Variants in PDE3A observed in about 807,000 individuals in gnomAD.
The protein encoded by PDE3A is phosphodiesterase 3A.
PDE3A carries 43 observed loss-of-function variants against 98.3 expected under a neutral mutation model. The observed-to-expected ratio is 0.44, with a 90% CI of 0.34 to 0.56. PDE3A has a LOEUF of 0.56. Ranked by LOEUF, PDE3A falls within the 20% of genes least tolerant of loss-of-function variation. PDE3A has a pLI of 0.01. For missense variants in PDE3A, 1,427 were observed against 1,440.7 expected, an observed-to-expected ratio of 0.99 and a Z score of 0.15; for synonymous variants, 663 against 567.9, an observed-to-expected ratio of 1.17 and a Z score of -2.38.
intron 1 of PDE3A, among the ~76,000 whole-genome samples, chr12:20,453,172 G>GA (rs1565554312): frequency 2.5e-5 from 3 of 117,764 alleles, no homozygotes; most frequent in Non-Finnish European, 5.3e-5. Context: ...ACTTGATAAT[G>GA]CTTTTTTTTT....
chr12:20,551,565 C>T (rs547884416), intron 1 of PDE3A: 4 of 1,506,100 alleles, frequency 2.7e-6, no homozygotes, highest in South Asian at 1.2e-5. Flanking sequence ...ACGCGACCCC[C>T]GAGCGGGTCT....
At chr12:20,593,435 T>C (rs967484573) in intron 2 of PDE3A, among the ~76,000 whole-genome samples, 1 of 152,046 alleles carries the variant, frequency 6.6e-6, no homozygotes, top group Admixed American at 6.6e-5. Flanking sequence ...TATCTCTGCA[T>C]TGGGAAAAGC....
intron 1 of PDE3A, among the ~76,000 whole-genome samples, chr12:20,549,524 T>C (rs1421675165): frequency 1.3e-5 from 2 of 152,072 alleles, no homozygotes; most frequent in African/African-American, 4.8e-5. Context: ...AGGAGAAATA[T>C]CCTGTTTACT....
At chr12:20,556,601 A>C (rs927851483) in intron 1 of PDE3A, 59 bp from the exon 2 acceptor site, 5 of 1,066,992 alleles carry the variant, frequency 4.7e-6, no homozygotes. Context: ...AAAATAAAGA[A>C]GAAAAATGTT....
chr12:20,387,527 G>A (rs1392899520), intron 1 of PDE3A, among the ~76,000 whole-genome samples: 2 of 151,938 alleles, frequency 1.3e-5, no homozygotes, highest in Non-Finnish European at 2.9e-5. Context: ...TTCTCTATTA[G>A]TCTTTGAATA....
Position 20,516,709 on chromosome 12 carries a change from G to A in PDE3A, c.961-39951G>A, listed in dbSNP as rs111234039. Among the ~76,000 whole-genome samples the A allele has an allele frequency of 2.7e-3, 415 of 152,174 alleles. 6 individuals carry two copies. The highest frequency in any genetic ancestry group is 0.01 in the Middle Eastern group (3 of 294). The stretch of plus-strand genomic sequence containing the variant: ...ACAGGCTCTGAACCATTATGCTATG[G>A]CCTCTTTGACTACAAAAATCAAACG... On this transcript the variant is annotated intron_variant, in intron 1 of 15. Transcript: ENST00000359062.
chr12:20,582,319 T>C (rs899405000), intron 2 of PDE3A, among the ~76,000 whole-genome samples: 2 of 152,104 alleles, frequency 1.3e-5, no homozygotes, highest in Non-Finnish European at 2.9e-5. Context: ...CAGACCCAAG[T>C]AGCTGGGAAT....
chr12:20,574,492 A>G (rs1942879666), intron 2 of PDE3A, among the ~76,000 whole-genome samples: 1 of 152,088 alleles, frequency 6.6e-6, no homozygotes. Context: ...ATCTACTTTG[A>G]AAGTTTGTTC....
At chr12:20,445,268 T>C (rs1232208926) in intron 1 of PDE3A, among the ~76,000 whole-genome samples, 2 of 152,164 alleles carry the variant, frequency 1.3e-5, no homozygotes, top group Admixed American at 6.5e-5. Flanking sequence ...GGGTGCTTTT[T>C]CCCTGCTTTG....
At chr12:20,628,241 C>T (rs1592127695) in intron 5 of PDE3A, among the ~76,000 whole-genome samples, 2 of 152,146 alleles carry the variant, frequency 1.3e-5, no homozygotes, top group Admixed American at 1.3e-4. Context: ...TGTGCAGAAT[C>T]ATACATTGAC....
At chr12:20,634,646 G>A (rs1481259599) in intron 7 of PDE3A, among the ~76,000 whole-genome samples, 1 of 152,114 alleles carries the variant, frequency 6.6e-6, no homozygotes, top group African/African-American at 2.4e-5. Context: ...TTAAAGGTAT[G>A]AACTGTTGAT....
At chr12:20,406,392 C>G (rs550117847) in intron 1 of PDE3A, among the ~76,000 whole-genome samples, 37 of 152,204 alleles carry the variant, frequency 2.4e-4, no homozygotes, top group South Asian at 2.1e-4. Context: ...CTTGCCAACA[C>G]TTGTTATCTT....
At chr12:20,372,524 A>C (rs1417286740) in intron 1 of PDE3A, among the ~76,000 whole-genome samples, 1 of 152,082 alleles carries the variant, frequency 6.6e-6, no homozygotes, top group Non-Finnish European at 1.5e-5. Flanking sequence ...ATCTTATAAG[A>C]TAGGACAGTA....
intron 1 of PDE3A, among the ~76,000 whole-genome samples, chr12:20,450,770 G>A (rs1945049238): frequency 1.3e-5 from 2 of 152,206 alleles, no homozygotes; most frequent in African/African-American, 2.4e-5. Context: ...ATTTTGATGA[G>A]TAATGTGTTT....
intron 1 of PDE3A, among the ~76,000 whole-genome samples, chr12:20,542,857 C>G (rs1365756377): frequency 6.6e-6 from 1 of 151,928 alleles, no homozygotes; most frequent in African/African-American, 2.4e-5. Flanking sequence ...TTGAATGTGT[C>G]TTTTCACGGG....
chr12:20,483,498 A>G (rs1945669420), intron 1 of PDE3A, among the ~76,000 whole-genome samples: 1 of 152,212 alleles, frequency 6.6e-6, no homozygotes, highest in South Asian at 2.1e-4. Context: ...GTAAAATGGT[A>G]TCTGCTTTGA....
chr12:20,552,783 G>T lies in PDE3A; in HGVS notation c.961-3877G>T, dbSNP rs1032792270. On this transcript the variant is annotated intron_variant, in intron 1 of 15. Coordinates refer to ENST00000359062, the MANE Select transcript of PDE3A (RefSeq NM_000921.5). This position sits in a 1 kb window ranked among gnomAD's most constrained non-coding sequence, Gnocchi z 5.1. Reference sequence around the variant, plus strand: ...CGTTCCAGTTGTTCCTGAGTAAAGTGGAGGAGACGTTCCAGTGTATCTGCT... The same window carrying T: ...CGTTCCAGTTGTTCCTGAGTAAAGTTGAGGAGACGTTCCAGTGTATCTGCT... 2.5e-6 allele frequency: 4 copies of T among 1,613,944 alleles called. No homozygotes were observed. In the Admixed American group the frequency reaches 6.7e-5, roughly 27 times the overall value.
chr12:20,446,071 G>A (rs995122989), intron 1 of PDE3A, among the ~76,000 whole-genome samples: 6 of 152,118 alleles, frequency 3.9e-5, no homozygotes, highest in Admixed American at 3.3e-4. Context: ...CTTAAAAATA[G>A]CATAGTCTGA....
intron 1 of PDE3A, among the ~76,000 whole-genome samples, chr12:20,393,111 G>A (rs1943948692): frequency 6.6e-6 from 1 of 151,948 alleles, no homozygotes. Flanking sequence ...TTTCAAAATA[G>A]CTAGAGTGGA....
Sources: allele counts gnomAD v4.1 joint callset (sites outside exome capture counted in the v4.1 genomes callset), GRCh38; gene constraint gnomAD v4.1.1; non-coding constraint Gnocchi (gnomAD v3.1); transcripts MANE v1.5; gene names NCBI Gene and HGNC (gene_info 2026-07-23, HGNC 2026-07-21).